MTA3: variants seen among roughly 807,000 people sequenced by gnomAD.
MTA3 encodes metastasis associated 1 family member 3.
Under a neutral mutation model 83.5 loss-of-function variants are expected in MTA3, and 34 were observed. The ratio of observed to expected loss-of-function variants is 0.41; its 90% CI spans 0.31 to 0.54. The LOEUF is 0.54. Ranked by LOEUF, MTA3 falls within the 20% of genes least tolerant of loss-of-function variation. The pLI, the probability that MTA3 is intolerant of heterozygous loss-of-function variation, is 0.33. For synonymous variants in MTA3, 303 were observed against 252.7 expected (o/e 1.20, Z -1.89); for missense variants, 761 against 726.4 (o/e 1.05, Z -0.55).
intron 2 of MTA3, among the ~76,000 whole-genome samples, chr2:42,505,094 C>A (rs1473980395): frequency 6.6e-6 from 1 of 151,972 alleles, no homozygotes; most frequent in Non-Finnish European, 1.5e-5. Flanking sequence ...AGAAATGAGG[C>A]TTTAAGAGAT....
chr2:42,495,638 G>A (rs559148727), intron 2 of MTA3, among the ~76,000 whole-genome samples: 1 of 152,274 alleles, frequency 6.6e-6, no homozygotes, highest in South Asian at 2.1e-4. Flanking sequence ...TAAAGTCTGT[G>A]AAGAAGTATA....
At chr2:42,607,124 G>C (rs1231829369) in intron 3 of MTA3, among the ~76,000 whole-genome samples, 2 of 152,142 alleles carry the variant, frequency 1.3e-5, no homozygotes, top group African/African-American at 4.8e-5. Flanking sequence ...GTAGGTAGAG[G>C]TAGAGGGTAG....
At chr2:42,624,564 G>C (rs567349625) in intron 4 of MTA3, among the ~76,000 whole-genome samples, 5 of 152,250 alleles carry the variant, frequency 3.3e-5, no homozygotes, top group African/African-American at 1.2e-4. Context: ...CTGACGTTGT[G>C]ATCCACCTGC....
intron 7 of MTA3, among the ~76,000 whole-genome samples, chr2:42,657,170 G>T (rs1398837019): frequency 7.2e-5 from 11 of 152,192 alleles, no homozygotes. Flanking sequence ...CTATGAGTTA[G>T]ATCTGGACAG....
At chr2:42,603,543 G>T (rs1040549203) in intron 3 of MTA3, among the ~76,000 whole-genome samples, 1 of 152,130 alleles carries the variant, frequency 6.6e-6, no homozygotes, top group South Asian at 2.1e-4. Context: ...ATCCTGATTT[G>T]CTATAGAATA....
At chr2:42,606,355 C>G (rs1051870373) in intron 3 of MTA3, among the ~76,000 whole-genome samples, 32 of 147,606 alleles carry the variant, frequency 2.2e-4, no homozygotes, top group African/African-American at 8.1e-4. Flanking sequence ...GGGCAGCTGC[C>G]GGGCGGAGGG....
At chr2:42,577,148 A>C (rs1328655353) in intron 2 of MTA3, among the ~76,000 whole-genome samples, 1 of 141,606 alleles carries the variant, frequency 7.1e-6, no homozygotes, top group East Asian at 2.0e-4. Context: ...ATGAACTCTT[A>C]ATTGCTGTAA....
intron 9 of MTA3, among the ~76,000 whole-genome samples, chr2:42,683,145 T>A (rs1437618747): frequency 1.3e-5 from 2 of 152,200 alleles, no homozygotes; most frequent in African/African-American, 2.4e-5. Context: ...TTGGCAATAT[T>A]AATTTATCCT....
chr2:42,729,086 G>GTTTTTTGTTTTTTTTTTTTTTTTTTTTT lies in MTA3; in HGVS notation c.1759+6057_1759+6058insGTTTTTTTTTTTTTTTTTTTTTTTTTTT, dbSNP rs1430675726. 3.3e-5 allele frequency among the ~76,000 whole-genome samples: 2 copies of GTTTTTTGTTTTTTTTTTTTTTTTTTTTT among 60,142 alleles called. 1 individual carries two copies. The highest frequency in any genetic ancestry group is 5.2e-4 in the Admixed American group (2 of 3,864). 39.5% of individuals were successfully genotyped at this position (60,142 alleles called of 152,430 possible). ...TTCTTTTATTAGTTTCACAGTTTGA[G>GTTTTTTGTTTTTTTTTTTTTTTTTTTTT]TTTTTTTTTTTTTTTTTTTTTTTTT... On this transcript the variant is annotated intron_variant, in intron 16 of 16. Coordinates refer to ENST00000405094, the MANE Select transcript of MTA3 (RefSeq NM_001330442.2).
chr2:42,616,042 C>G (rs1250241101), intron 4 of MTA3, among the ~76,000 whole-genome samples: 4 of 151,486 alleles, frequency 2.6e-5, no homozygotes, highest in Non-Finnish European at 4.4e-5. Context: ...GCCACCGAGA[C>G]TGGCCGCTAA....
chr2:42,542,228 G>C (rs1319358702), intron 2 of MTA3, among the ~76,000 whole-genome samples: 1 of 152,192 alleles, frequency 6.6e-6, no homozygotes, highest in Non-Finnish European at 1.5e-5. Flanking sequence ...CAGGGGAGCG[G>C]GGTCCCAAAT....
chr2:42,621,342 C>G (rs1685519428), intron 4 of MTA3, among the ~76,000 whole-genome samples: 2 of 152,120 alleles, frequency 1.3e-5, no homozygotes, highest in Non-Finnish European at 2.9e-5. Context: ...TCTTAACGAG[C>G]ATGCTGCCTT....
intron 3 of MTA3, among the ~76,000 whole-genome samples, chr2:42,590,123 G>A (rs759075336): frequency 9.2e-5 from 14 of 152,120 alleles, no homozygotes; most frequent in Non-Finnish European, 1.3e-4. Context: ...CCAAGAGACA[G>A]GTTCTTCTTT....
At chr2:42,705,178 G>A (rs1340680228) in intron 12 of MTA3, among the ~76,000 whole-genome samples, 2 of 152,196 alleles carry the variant, frequency 1.3e-5, no homozygotes, top group African/African-American at 4.8e-5. Context: ...TGTGAGCCAA[G>A]TTGCTGAATT....
Position 42,756,330 on chromosome 2 carries a change from C to G in MTA3, c.*2931C>G. The G allele has an allele frequency of 1.4e-5, 6 of 430,686 alleles. No individual in the cohort carries two copies. Among genetic ancestry groups the G allele is most frequent in the Non-Finnish European group, 1.9e-5 (6 of 323,016 alleles). 26.7% of individuals were successfully genotyped at this position (430,686 alleles called of 1,614,324 possible). On this transcript the variant is annotated 3_prime_UTR_variant, in exon 17 of 17. Transcript: ENST00000405094. ...AGGGGGCCCCAGCCTCTCCCCTCCT[C>G]TTGGCCTCCAGAGTCCTGCAGGTGC...
At chr2:42,705,464 G>A (rs1009899260) in intron 12 of MTA3, among the ~76,000 whole-genome samples, 1 of 152,174 alleles carries the variant, frequency 6.6e-6, no homozygotes, top group African/African-American at 2.4e-5. Flanking sequence ...CAGCACTTTG[G>A]GAGGCTGAGG....
At chr2:42,577,105 A>AAAAATAT (rs1211189566) in intron 2 of MTA3, among the ~76,000 whole-genome samples, 1 of 86,920 alleles carries the variant, frequency 1.2e-5, no homozygotes, top group Admixed American at 1.3e-4. Context: ...AAAAAAAAAA[A>AAAAATAT]ATATATATAT....
At chr2:42,629,112 C>T (rs1686416068) in intron 4 of MTA3, among the ~76,000 whole-genome samples, 1 of 152,078 alleles carries the variant, frequency 6.6e-6, no homozygotes, top group Non-Finnish European at 1.5e-5. Context: ...CGGAGTCTTG[C>T]TCTGTGGCCC....
intron 16 of MTA3, among the ~76,000 whole-genome samples, chr2:42,726,963 C>T (rs958246161): frequency 4.6e-5 from 7 of 152,182 alleles, no homozygotes; most frequent in Admixed American, 2.6e-4. Flanking sequence ...GAGGCCAAAG[C>T]GGGAGGCTCA....
Sources: allele counts gnomAD v4.1 joint callset (sites outside exome capture counted in the v4.1 genomes callset), GRCh38; gene constraint gnomAD v4.1.1; transcripts MANE v1.5; gene names NCBI Gene and HGNC (gene_info 2026-07-23, HGNC 2026-07-21).